Variants in TEX15 observed in about 807,000 individuals in gnomAD.
TEX15 encodes the protein testis-expressed protein 15.
Under a neutral mutation model 237.3 loss-of-function variants are expected in TEX15, and 171 were observed. The observed-to-expected ratio is 0.72, with a 90% CI of 0.64 to 0.82. TEX15 has a LOEUF of 0.82. Among genes scored for constraint, TEX15 ranks in the 40% least tolerant of loss-of-function variants. The pLI is 0.00. For synonymous variants in TEX15, 1,338 were observed against 1,269.8 expected (o/e 1.05, Z -1.14); for missense variants, 3,750 against 3,646.5 (o/e 1.03, Z -0.73).
At chr8:30,895,870 G>A (rs948406202) in intron 2 of TEX15, among the ~76,000 whole-genome samples, 5 of 151,442 alleles carry the variant, frequency 3.3e-5, no homozygotes, top group South Asian at 2.1e-4. Context: ...TAGTAGAGAC[G>A]GGGTTTCACC....
Position 30,893,174 on chromosome 8 carries a change from C to T in TEX15, c.-10+5568G>A, listed in dbSNP as rs147061367. The stretch of plus-strand genomic sequence containing the variant: ...ATCTTCACAACATCCCTATGAGATA[C>T]CCTTATTTTAAATTAGAAAACAAAA... On this transcript the variant is annotated intron_variant, in intron 2 of 10. Coordinates refer to ENST00000643185, the MANE Select transcript of TEX15 (RefSeq NM_001350162.2). 1.7e-3 allele frequency among the ~76,000 whole-genome samples: 262 copies of T among 152,182 alleles called. 1 individual carries two copies. Among genetic ancestry groups the T allele is most frequent in the African/African-American group, 6.2e-3 (258 of 41,520 alleles).
At position 30,846,687 on chromosome 8, in the gene TEX15, A is replaced by G; in HGVS notation, c.3480T>C (p.Ile1160=). 1 of 1,613,602 alleles carries G rather than the reference A, an allele frequency of 6.2e-7. No individual in the cohort carries two copies. Among genetic ancestry groups the G allele is most frequent in the East Asian group, 2.2e-5 (1 of 44,878 alleles). Residue 1160 remains isoleucine, a synonymous_variant, in exon 8 of 11, where the codon ATT becomes ATC. Coordinates refer to ENST00000643185, the MANE Select transcript of TEX15 (RefSeq NM_001350162.2). ...TGAATCCTGGCCTAAATATATTAGT[A>G]ATTTTAATTTGTAGATCTGGAAGTA... ...PILLPDLQIK[I]TNIFRPGFSP...
chr8:30,892,690 G>A (rs867010003), intron 2 of TEX15, among the ~76,000 whole-genome samples: 19 of 151,646 alleles, frequency 1.3e-4, no homozygotes, highest in Admixed American at 2.6e-4. Flanking sequence ...TAATTTTTAC[G>A]TTACTATATA....
In TEX15 at chr8:30,845,423, T is replaced by C. The variant is rs779342763; in HGVS notation, c.4744A>G (p.Thr1582Ala). The change falls in exon 8 of 11, where the codon ACT (threonine) becomes GCT (alanine). Residue 1582 changes from threonine to alanine, a missense_variant. Transcript: ENST00000643185. Reference protein sequence around the residue: ...NQIDTAFLSSTSKYEKLEKHS... With the variant: ...NQIDTAFLSSASKYEKLEKHS... ...TTTTCAAGCTTTTCATATTTACTAG[T>C]GCTAGATAAAAATGCTGTATCAATT... 2 of 1,612,282 alleles carry C rather than the reference T, an allele frequency of 1.2e-6. No individual in the cohort carries two copies. Among genetic ancestry groups the C allele is most frequent in the Admixed American group, 3.3e-5 (2 of 59,832 alleles).
chr8:30,836,610 T>C (rs1003741392), intron 10 of TEX15, among the ~76,000 whole-genome samples, 193 bp downstream of exon 10: 1 of 152,168 alleles, frequency 6.6e-6, no homozygotes, highest in African/African-American at 2.4e-5. Context: ...TACTGACAGT[T>C]TTTTTTCTTG....
Position 30,887,326 on chromosome 8 carries a change from A to C in TEX15, c.-9-15T>G. 2 of 1,517,576 alleles carry C rather than the reference A, an allele frequency of 1.3e-6. No individual in the cohort carries two copies. The highest frequency in any genetic ancestry group is 1.8e-6 in the Non-Finnish European group (2 of 1,139,836). 94.0% of individuals were successfully genotyped at this position (1,517,576 alleles called of 1,614,324 possible). On this transcript the variant is annotated splice_polypyrimidine_tract_variant and intron_variant, in intron 2 of 10. Coordinates refer to ENST00000643185, the MANE Select transcript of TEX15 (RefSeq NM_001350162.2). ...ATTTTGTTGGCCTAAAATCAACCCA[A>C]GGTTATTAAGCAAAAAGGTCAATAA...
chr8:30,837,391 A>G lies in TEX15; in HGVS notation c.8893T>C (p.Tyr2965His), dbSNP rs1459120261. 1 of 1,613,960 alleles carries G rather than the reference A, an allele frequency of 6.2e-7. No individual in the cohort carries two copies. The highest frequency in any genetic ancestry group is 1.3e-5 in the African/African-American group (1 of 74,918). ...QPTETESEDK[Y>H]MKDTLNPNTV... ...TTGGGATTCAATGTATCCTTCATGT[A>G]TTTGTCCTCTGACTCAGTTTCTGTA... The change falls in exon 10 of 11, where the codon TAC becomes CAC. Residue 2965 changes from tyrosine (Y) to histidine (H), a missense_variant. By Grantham distance (83) the Tyr-to-His change is moderately conservative. Transcript: ENST00000643185.
chr8:30,909,079 C>T (rs866036283), intron 1 of TEX15, among the ~76,000 whole-genome samples: 1 of 152,024 alleles, frequency 6.6e-6, no homozygotes, highest in Non-Finnish European at 1.5e-5. Context: ...GGCAAAGTTT[C>T]CCCCCTTGAG....
At position 30,847,414 on chromosome 8, in the gene TEX15, A is replaced by C. The variant is rs1473516937; in HGVS notation, c.2753T>G (p.Phe918Cys). Reference protein sequence around the residue: ...HNIEILSSEEFSTKFNLICRE... With the variant: ...HNIEILSSEECSTKFNLICRE... ...GCAAATCAAGTTAAATTTAGTAGAA[A>C]ATTCTTCAGAACTCAAAATTTCTAT... The change falls in exon 8 of 11, where the codon TTT (phenylalanine) becomes TGT (cysteine). Residue 918 changes from phenylalanine (F) to cysteine (C), a missense_variant. Physicochemically the swap from Phe to Cys is radical, Grantham distance 205 (BLOSUM62 -2). Transcript: ENST00000643185. The C allele has an allele frequency of 5.0e-6, 8 of 1,611,986 alleles. No homozygotes were observed. The highest frequency in any genetic ancestry group is 3.3e-4 in the Middle Eastern group (2 of 6,054).
chr8:30,837,754 C>T lies in TEX15; in HGVS notation c.8530G>A (p.Asp2844Asn). Residue 2844 changes from aspartate (D) to asparagine (N), a missense_variant, in exon 10 of 11, where the codon GAC becomes AAC. Coordinates refer to ENST00000643185, the MANE Select transcript of TEX15 (RefSeq NM_001350162.2). ...AATGTGCCATGTACACTTTTTTGGT[C>T]ACAAATTGCAAAAGCAGCACAATCT... is the stretch of plus-strand genomic sequence containing the variant. ...KKDCAAFAIC[D>N]QKSVHGTFSP... is the part of the protein sequence containing the mutation. 6.2e-7 allele frequency: 1 copy of T among 1,614,062 alleles called. No individual in the cohort carries two copies. Among genetic ancestry groups the T allele is most frequent in the Non-Finnish European group, 8.5e-7 (1 of 1,180,002 alleles).
Position 30,875,088 on chromosome 8 carries a change from A to T in TEX15, c.151T>A (p.Cys51Ser). ...CTATACTCTCTACTATTGGTGTAAC[A>T]AGGTGACAAGTAAACTAAAGGTAGA... ...RTAEKVYLSP[C>S]YTNSREYSFI... Residue 51 changes from cysteine to serine, a missense_variant, in exon 4 of 11, where the codon TGT becomes AGT. Physicochemically the swap from Cys to Ser is moderately radical, Grantham distance 112 (BLOSUM62 -1). Transcript: ENST00000643185. The T allele has an allele frequency of 8.0e-7, 1 of 1,242,568 alleles. No individual in the cohort carries two copies. Among genetic ancestry groups the T allele is most frequent in the Non-Finnish European group, 1.0e-6 (1 of 991,862 alleles). The allele number at this position is 1,242,568 out of a possible 1,614,324, so 77.0% of individuals were successfully genotyped here.
chr8:30,860,005 A>C lies in TEX15; in HGVS notation c.593T>G (p.Val198Gly). The change falls in exon 6 of 11, where the codon GTT (valine) becomes GGT (glycine). Residue 198 changes from valine (V) to glycine (G), a missense_variant. Val to Gly is a moderately radical substitution (Grantham distance 109). Transcript: ENST00000643185. ...AAAGTTAGGAGAAGGATCCAAAGAA[A>C]CTTTATTTTTATCCACAGAAGGTTG... is the stretch of plus-strand genomic sequence containing the variant. ...KIQPSVDKNK[V>G]SLDPSPNFDC... is the part of the protein sequence containing the mutation. 1 of 1,511,946 alleles carries C rather than the reference A, an allele frequency of 6.6e-7. No individual in the cohort carries two copies. Among genetic ancestry groups the C allele is most frequent in the South Asian group, 1.3e-5 (1 of 78,020 alleles). 93.7% of individuals were successfully genotyped at this position (1,511,946 alleles called of 1,614,324 possible). A position where few individuals can be genotyped will look rare whatever the true frequency, so the allele number is the denominator to read the frequency against.
intron 3 of TEX15, among the ~76,000 whole-genome samples, chr8:30,882,726 T>C (rs1440037437): frequency 6.6e-6 from 1 of 152,370 alleles, no homozygotes; most frequent in Non-Finnish European, 1.5e-5. Context: ...ATCCTGTTGA[T>C]TGACAGTGTT....
intron 7 of TEX15, among the ~76,000 whole-genome samples, chr8:30,852,579 T>G (rs935410445): frequency 2.6e-5 from 4 of 152,004 alleles, no homozygotes; most frequent in Non-Finnish European, 5.9e-5. Context: ...CAAATGACAA[T>G]TAAAAATTGC....
intron 3 of TEX15, 139 bp from the exon 4 acceptor site, chr8:30,875,241 T>C (rs961949248): frequency 2.1e-6 from 1 of 485,578 alleles, no homozygotes. Context: ...CATTTGTATT[T>C]AAGATTCTAC....
In TEX15 at chr8:30,846,586, T is replaced by C. The variant is rs1307049149; in HGVS notation, c.3581A>G (p.Asn1194Ser). The C allele has an allele frequency of 1.9e-6, 3 of 1,613,740 alleles. No individual in the cohort carries two copies. The highest frequency in any genetic ancestry group is 1.3e-5 in the African/African-American group (1 of 74,928). Reference protein sequence around the residue: ...HVTEATKPEINKEDGEILGFD... With the variant: ...HVTEATKPEISKEDGEILGFD... ...TCCTAGAATTTCTCCATCTTCCTTA[T>C]TTATTTCCGGTTTTGTGGCTTCAGT... The change falls in exon 8 of 11, where the codon AAT (asparagine) becomes AGT (serine). Residue 1194 changes from asparagine (N) to serine (S), a missense_variant. Coordinates refer to ENST00000643185, the MANE Select transcript of TEX15 (RefSeq NM_001350162.2).
In TEX15 at chr8:30,847,097, GT is replaced by G; in HGVS notation, c.3069del (p.Lys1023AsnfsTer24). ...TCAATTTCACAATCAGAAACCCTATGTTTTACTAACAAACCAAAATCTGGAC... is the reference window on the plus strand; with the variant it reads ...TCAATTTCACAATCAGAAACCCTATGTTTACTAACAAACCAAAATCTGGAC... ...SESPDFGLLV[K>X]HRVSDCEIDT... is the part of the protein sequence containing the mutation. On this transcript the variant is annotated frameshift_variant, in exon 8 of 11. Transcript: ENST00000643185. LOFTEE classifies it high-confidence loss of function. 1 of 1,613,544 alleles carries G rather than the reference GT, an allele frequency of 6.2e-7. No homozygotes were observed. Among genetic ancestry groups the G allele is most frequent in the Non-Finnish European group, 8.5e-7 (1 of 1,179,744 alleles).
At chr8:30,849,928 A>G (rs1026347836) in intron 7 of TEX15, among the ~76,000 whole-genome samples, 1 of 152,108 alleles carries the variant, frequency 6.6e-6, no homozygotes, top group Non-Finnish European at 1.5e-5. Context: ...GGGGAAGAAT[A>G]AAACTAAATA....
chr8:30,848,443 T>TC lies in TEX15; in HGVS notation c.1723dup (p.Glu575GlyfsTer4), dbSNP rs1807683188. 6.2e-7 allele frequency: 1 copy of TC among 1,614,030 alleles called. No individual in the cohort carries two copies. Among genetic ancestry groups the TC allele is most frequent in the South Asian group, 1.1e-5 (1 of 91,080 alleles). The stretch of plus-strand genomic sequence containing the variant: ...GTCCTGAAAAATGTGACTACTGTAC[T>TC]CTTTTGTATAAGCATTACCGGACTC... On this transcript the variant is annotated frameshift_variant, in exon 8 of 11. Coordinates refer to ENST00000643185, the MANE Select transcript of TEX15 (RefSeq NM_001350162.2). LOFTEE classifies it high-confidence loss of function.
Sources: gnomAD v4.1 joint callset for allele counts (sites outside exome capture counted in the v4.1 genomes callset) on GRCh38, gnomAD v4.1.1 for gene constraint, MANE v1.5 for transcripts, NCBI Gene and HGNC (gene_info 2026-07-23, HGNC 2026-07-21) for gene names.